Variants in PKD1L1 observed in about 807,000 individuals in gnomAD.
PKD1L1 encodes polycystin 1 like 1, transient receptor potential channel interacting, also known as polycystin-1-like protein 1.
PKD1L1 carries 236 observed loss-of-function variants against 323.4 expected under a neutral mutation model. The ratio of observed to expected loss-of-function variants is 0.73; its 90% CI spans 0.66 to 0.81. The LOEUF is 0.81. Among genes scored for constraint, PKD1L1 ranks in the 40% least tolerant of loss-of-function variants. The pLI is 0.00. For missense variants in PKD1L1, 3,320 were observed against 3,508.0 expected, an observed-to-expected ratio of 0.95 and a Z score of 1.35; for synonymous variants, 1,344 against 1,335.0, an observed-to-expected ratio of 1.01 and a Z score of -0.15.
rs751856302 is a variant in PKD1L1 at position 47,808,246 on chromosome 7, C to G, written c.7827+1G>C. ...TGCATGGCCCTGAGCACACCGTGTACCTGATTCCATGATGCCATAAGGGTG... is the reference window on the plus strand; with the variant it reads ...TGCATGGCCCTGAGCACACCGTGTAGCTGATTCCATGATGCCATAAGGGTG... On this transcript the variant is annotated splice_donor_variant, in intron 52 of 56. Transcript: ENST00000289672. LOFTEE classifies it high-confidence loss of function. 17 of 1,614,008 alleles carry G rather than the reference C, an allele frequency of 1.1e-5. No homozygotes were observed. In the South Asian group the frequency reaches 1.8e-4, roughly 17 times the overall value.
At chr7:47,819,850 G>A in intron 46 of PKD1L1, 1 of 225,894 alleles carries the variant, frequency 4.4e-6, no homozygotes, top group South Asian at 5.2e-5. Flanking sequence ...AGATTAAATT[G>A]ACTTTCCAGC....
At chr7:47,907,882 T>C (rs1037439557) in intron 9 of PKD1L1, among the ~76,000 whole-genome samples, 195 bp downstream of exon 9, 2 of 152,266 alleles carry the variant, frequency 1.3e-5, no homozygotes, top group African/African-American at 2.4e-5. Flanking sequence ...ATGAAGACTT[T>C]GTATGACTTT....
At chr7:47,817,509 G>A (rs911946153) in intron 46 of PKD1L1, among the ~76,000 whole-genome samples, 1 of 152,176 alleles carries the variant, frequency 6.6e-6, no homozygotes, top group East Asian at 1.9e-4. Flanking sequence ...TGTCACTAGT[G>A]TATAGAGTAA....
chr7:47,781,847 G>A (rs745574994), intron 56 of PKD1L1, among the ~76,000 whole-genome samples: 9 of 152,118 alleles, frequency 5.9e-5, no homozygotes, highest in South Asian at 2.1e-4. Flanking sequence ...ATGGTATGAG[G>A]TATAGGTACA....
chr7:47,880,284 A>ATATATTTTTTTTTTTTTTTTT (rs1225214936), intron 21 of PKD1L1, among the ~76,000 whole-genome samples: 2 of 56,780 alleles, frequency 3.5e-5, no homozygotes, highest in African/African-American at 1.1e-4. Context: ...ATATATATAT[A>ATATATTTTTTTTTTTTTTTTT]TTTTTTTTTT....
At chr7:47,821,668 C>T (rs1160131062) in intron 45 of PKD1L1, among the ~76,000 whole-genome samples, 1 of 145,414 alleles carries the variant, frequency 6.9e-6, no homozygotes, top group Non-Finnish European at 1.5e-5. Context: ...ATTTATTTTG[C>T]ATATCAATAT....
intron 28 of PKD1L1, 34 bp downstream of exon 28, chr7:47,857,571 C>A: frequency 6.4e-7 from 1 of 1,569,096 alleles, no homozygotes; most frequent in South Asian, 1.1e-5. Flanking sequence ...TTGAAATGGT[C>A]ATTAGAAGTG....
At chr7:47,851,236 C>G (rs1265456541) in intron 31 of PKD1L1, among the ~76,000 whole-genome samples, 2 of 152,098 alleles carry the variant, frequency 1.3e-5, no homozygotes, top group Non-Finnish European at 2.9e-5. Context: ...AAGGGCTGGC[C>G]AAACACAGGA....
intron 30 of PKD1L1, 116 bp from the exon 31 acceptor site, chr7:47,853,343 G>A (rs1393468111): frequency 2.1e-5 from 15 of 731,346 alleles, no homozygotes; most frequent in Non-Finnish European, 4.7e-6. Flanking sequence ...GTCACTGCAA[G>A]GAGGTAGCCT....
At chr7:47,801,227 T>A (rs960993154) in intron 53 of PKD1L1, among the ~76,000 whole-genome samples, 1 of 152,136 alleles carries the variant, frequency 6.6e-6, no homozygotes, top group Non-Finnish European at 1.5e-5. Flanking sequence ...GAAGCCATGG[T>A]TGCCATGAGG....
intron 7 of PKD1L1, among the ~76,000 whole-genome samples, chr7:47,920,797 C>T (rs182465507): frequency 3.9e-5 from 6 of 152,178 alleles, no homozygotes; most frequent in South Asian, 2.1e-4. Context: ...GGGGAATGGA[C>T]GCTCTTTTCA....
In PKD1L1 at chr7:47,835,221, G is replaced by A; in HGVS notation, c.5966C>T (p.Thr1989Ile). The change falls in exon 38 of 57, where the codon ACC (threonine) becomes ATC (isoleucine). Residue 1989 changes from threonine to isoleucine, a missense_variant. Coordinates refer to ENST00000289672, the MANE Select transcript of PKD1L1 (RefSeq NM_138295.5). ...GAGACCCACCCTGAAGGATCCAAGG[G>A]TGGGGCTGACGTCCAAGTGGGGCTG... ...QEQPHLDVSP[T>I]LGSFRVGLLC... 6.3e-7 allele frequency: 1 copy of A among 1,590,226 alleles called. No homozygotes were observed. The highest frequency in any genetic ancestry group is 8.5e-7 in the Non-Finnish European group (1 of 1,174,076).
chr7:47,887,806 G>A (rs1786716453), intron 17 of PKD1L1, among the ~76,000 whole-genome samples, 184 bp downstream of exon 17: 1 of 152,178 alleles, frequency 6.6e-6, no homozygotes, highest in Admixed American at 6.5e-5. Flanking sequence ...TCTTCTGCTG[G>A]TGCCTCACAA....
At chr7:47,927,499 C>T (rs1297296746) in intron 7 of PKD1L1, among the ~76,000 whole-genome samples, 1 of 152,012 alleles carries the variant, frequency 6.6e-6, no homozygotes, top group South Asian at 2.1e-4. Context: ...CTCTTGACCT[C>T]GTGATCCACC....
At chr7:47,841,765 C>T (rs1352388841) in intron 34 of PKD1L1, among the ~76,000 whole-genome samples, 1 of 152,116 alleles carries the variant, frequency 6.6e-6, no homozygotes, top group African/African-American at 2.4e-5. Context: ...GATGAATTCA[C>T]TTCTAGGCAC....
chr7:47,811,165 T>A (rs921765908), intron 50 of PKD1L1, among the ~76,000 whole-genome samples: 2 of 151,216 alleles, frequency 1.3e-5, no homozygotes, highest in Non-Finnish European at 3.0e-5. Flanking sequence ...TTTTTTTTTT[T>A]TTTTTTTAGA....
At chr7:47,793,528 A>G (rs1323264816) in intron 55 of PKD1L1, among the ~76,000 whole-genome samples, 1 of 152,178 alleles carries the variant, frequency 6.6e-6, no homozygotes, top group Non-Finnish European at 1.5e-5. Context: ...TCTCGCCATG[A>G]TTCTGAGGCC....
chr7:47,902,710 C>T (rs891364733), intron 12 of PKD1L1, among the ~76,000 whole-genome samples, 199 bp from the exon 13 acceptor site: 1 of 152,168 alleles, frequency 6.6e-6, no homozygotes, highest in Non-Finnish European at 1.5e-5. Context: ...AGACTGGCTC[C>T]CCAGCTAGCC....
At chr7:47,952,706 G>A (rs1188667011), upstream of PKD1L1, among the ~76,000 whole-genome samples, 4 of 152,202 alleles carry the variant, frequency 2.6e-5, no homozygotes, top group Admixed American at 6.5e-5. Context: ...CATAGTTATT[G>A]AAGTATCATG....
Sources: allele counts gnomAD v4.1 joint callset (sites outside exome capture counted in the v4.1 genomes callset), GRCh38; gene constraint gnomAD v4.1.1; transcripts MANE v1.5; gene names NCBI Gene and HGNC (gene_info 2026-07-23, HGNC 2026-07-21).